VAV2: variants seen among roughly 807,000 people sequenced by gnomAD.
VAV2 encodes the protein vav guanine nucleotide exchange factor 2, also known as guanine nucleotide exchange factor VAV2.
Under a neutral mutation model 132.5 loss-of-function variants are expected in VAV2, and 67 were observed. That is an observed-to-expected ratio of 0.51 (90% CI 0.42 to 0.62). The LOEUF (loss-of-function observed/expected upper bound fraction) is 0.62. Among genes scored for constraint, VAV2 ranks in the 20% least tolerant of loss-of-function variants. The pLI is 0.00. For missense variants in VAV2, 938 were observed against 1,153.6 expected, an observed-to-expected ratio of 0.81 and a Z score of 2.71; for synonymous variants, 492 against 443.5, an observed-to-expected ratio of 1.11 and a Z score of -1.37.
At chr9:133,934,308 G>A (rs970000820) in intron 2 of VAV2, among the ~76,000 whole-genome samples, 1 of 152,198 alleles carries the variant, frequency 6.6e-6, no homozygotes, top group Non-Finnish European at 1.5e-5. Flanking sequence ...TTAAATAATA[G>A]GGGAAACGGC....
rs757231721 is a variant in VAV2, at chr9:133,806,139, C to T, written c.778G>A (p.Val260Met). Reference protein sequence around the residue: ...VHHSFLRAIDVSVMVGGSTLA... With the variant: ...VHHSFLRAIDMSVMVGGSTLA... ...GTGCTGCCCCCCACCATCACGGACACGTCGATGGCCCTCAGGAAGCTGTGA... is the reference window on the plus strand; with the variant it reads ...GTGCTGCCCCCCACCATCACGGACATGTCGATGGCCCTCAGGAAGCTGTGA... The change falls in exon 9 of 30, where the codon GTG (valine) becomes ATG (methionine). Residue 260 changes from valine to methionine, a missense_variant. Physicochemically the swap from Val to Met is conservative, Grantham distance 21. Coordinates refer to ENST00000371850, the MANE Select transcript of VAV2 (RefSeq NM_001134398.2). 6 of 1,612,994 alleles carry T rather than the reference C, an allele frequency of 3.7e-6. No homozygotes were observed. Among genetic ancestry groups the T allele is most frequent in the Non-Finnish European group, 5.1e-6 (6 of 1,179,972 alleles).
chr9:133,800,903 C>T lies in VAV2; in HGVS notation c.837-3094G>A, dbSNP rs548983698. ...CTCTTCCCTATCATTGCCCCTTCTT[C>T]ACTTCAACCCCTGCACCAGCAGGGC... On this transcript the variant is annotated intron_variant, in intron 9 of 29. Transcript: ENST00000371850. Among the ~76,000 whole-genome samples the T allele has an allele frequency of 1.4e-4, 22 of 152,370 alleles. 1 individual carries two copies. Among genetic ancestry groups the T allele is most frequent in the African/African-American group, 5.3e-4 (22 of 41,588 alleles).
intron 2 of VAV2, among the ~76,000 whole-genome samples, chr9:133,936,737 C>A (rs892375936): frequency 1.4e-4 from 22 of 152,294 alleles, no homozygotes; most frequent in Admixed American, 4.6e-4. Flanking sequence ...GTGACATCAC[C>A]TCCATTCCCA....
At chr9:133,960,759 G>T (rs1466160509) in intron 1 of VAV2, among the ~76,000 whole-genome samples, 1 of 152,224 alleles carries the variant, frequency 6.6e-6, no homozygotes, top group Admixed American at 6.5e-5. Context: ...ACCCTTTGTG[G>T]AACGCAGGAG....
rs75237896 is a variant in VAV2 at position 133,856,019 on chromosome 9, G to A, written c.380+5355C>T. Among the ~76,000 whole-genome samples, 1,256 of 152,332 alleles carry A rather than the reference G, an allele frequency of 8.2e-3. 15 individuals are homozygous for A. The highest frequency in any genetic ancestry group is 0.029 in the African/African-American group (1,187 of 41,566). On this transcript the variant is annotated intron_variant, in intron 3 of 29. Transcript: ENST00000371850. ...GACCGGCTACGGCTGGGTGAACCTTGAAAACAAGATGCGGGGTGGGAGAAG... is the reference window on the plus strand; with the variant it reads ...GACCGGCTACGGCTGGGTGAACCTTAAAAACAAGATGCGGGGTGGGAGAAG...
chr9:133,792,467 GT>G (rs1834526781), intron 12 of VAV2, among the ~76,000 whole-genome samples: 1 of 40,576 alleles, frequency 2.5e-5, no homozygotes, highest in Non-Finnish European at 5.0e-5. Context: ...GTGTGTGATT[GT>G]GTGTGTGATT....
At chr9:133,829,564 C>A (rs1485552937) in intron 4 of VAV2, among the ~76,000 whole-genome samples, 3 of 152,240 alleles carry the variant, frequency 2.0e-5, no homozygotes, top group Non-Finnish European at 4.4e-5. Context: ...GTAGGCTGCC[C>A]AAGGATGATC....
At chr9:133,831,611 C>T (rs979259010) in intron 4 of VAV2, among the ~76,000 whole-genome samples, 5 of 152,280 alleles carry the variant, frequency 3.3e-5, no homozygotes, top group East Asian at 1.9e-4. Context: ...GAGGCTCCTA[C>T]GGAGTGGGCA....
At chr9:133,990,906 C>G (rs1020305425) in intron 1 of VAV2, among the ~76,000 whole-genome samples, 2 of 152,112 alleles carry the variant, frequency 1.3e-5, no homozygotes, top group African/African-American at 4.8e-5. Flanking sequence ...GAAGGCGGCC[C>G]CTTCCCCTCT....
Position 133,964,048 on chromosome 9 carries a change from T to TATAC in VAV2, c.205-24830_205-24829insGTAT, listed in dbSNP as rs1483475230. 1.2e-4 allele frequency among the ~76,000 whole-genome samples: 10 copies of TATAC among 80,484 alleles called. 1 individual carries two copies. The highest frequency in any genetic ancestry group is 1.2e-3 in the East Asian group (2 of 1,608). The allele number at this position is 80,484 out of a possible 152,430, so 52.8% of individuals were successfully genotyped here. On this transcript the variant is annotated intron_variant, in intron 1 of 29. Coordinates refer to ENST00000371850, the MANE Select transcript of VAV2 (RefSeq NM_001134398.2). ...ATATATATATATATATATATATATA[T>TATAC]ACATATATATACATATATATAAATG... is the stretch of plus-strand genomic sequence containing the variant.
intron 1 of VAV2, among the ~76,000 whole-genome samples, chr9:133,952,202 G>A (rs1386354624): frequency 6.6e-6 from 1 of 152,166 alleles, no homozygotes; most frequent in Non-Finnish European, 1.5e-5. Context: ...AACAGCAAGT[G>A]TAATGGGTTG....
At position 133,861,400 on chromosome 9, in the gene VAV2, G is replaced by A. The variant is rs1404910098; in HGVS notation, c.354C>T (p.His118=). Residue 118 remains histidine (H), a synonymous_variant, in exon 3 of 30, where the codon CAC becomes CAT. Transcript: ENST00000371850. ...TGATCCCTTTGTTCTGCGCGATGCT[G>A]TGCAGGGAGAGCCTCGACACCGCGG... ...VISAVSRLSL[H]SIAQNKGIRP... 2.5e-6 allele frequency: 4 copies of A among 1,613,580 alleles called. No homozygotes were observed. The highest frequency in any genetic ancestry group is 3.4e-6 in the Non-Finnish European group (4 of 1,179,830).
chr9:133,855,732 G>A (rs1033471642), intron 3 of VAV2, among the ~76,000 whole-genome samples: 6 of 152,178 alleles, frequency 3.9e-5, no homozygotes, highest in Non-Finnish European at 8.8e-5. Flanking sequence ...ATGCTTTGTC[G>A]TGCTTAGATT....
intron 2 of VAV2, among the ~76,000 whole-genome samples, chr9:133,934,452 G>C (rs1263045876): frequency 6.6e-6 from 1 of 152,220 alleles, no homozygotes; most frequent in Non-Finnish European, 1.5e-5. Flanking sequence ...GTTTCCAGAG[G>C]AGACTGGCCT....
chr9:133,932,619 G>A (rs989752225), intron 2 of VAV2, among the ~76,000 whole-genome samples: 3 of 152,190 alleles, frequency 2.0e-5, no homozygotes, highest in African/African-American at 7.2e-5. Context: ...ACCTCCAAGG[G>A]GACAGTCTCA....
chr9:133,842,462 T>C (rs895581012), intron 3 of VAV2, among the ~76,000 whole-genome samples: 1 of 152,186 alleles, frequency 6.6e-6, no homozygotes, highest in African/African-American at 2.4e-5. Context: ...TGAGGCCAGG[T>C]GCGGCCAGCC....
intron 1 of VAV2, among the ~76,000 whole-genome samples, chr9:133,979,212 G>A (rs1842613086): frequency 3.9e-5 from 6 of 152,346 alleles, no homozygotes; most frequent in East Asian, 1.9e-4. Flanking sequence ...GCCAGGCACC[G>A]GGCTGACAGC....
intron 25 of VAV2, 31 bp downstream of exon 25, chr9:133,774,904 G>A: frequency 6.3e-7 from 1 of 1,584,174 alleles, no homozygotes; most frequent in Non-Finnish European, 8.6e-7. Flanking sequence ...ATTGGGGGAT[G>A]GGTCTCCTCG....
rs537057645 is a variant in VAV2, at chr9:133,991,593, G to A, written c.204+482C>T. On this transcript the variant is annotated intron_variant, in intron 1 of 29. Transcript: ENST00000371850. The surrounding 1 kb of genome is among the most constrained non-coding windows in gnomAD (Gnocchi z 4.8). ...GCTCCCTCCGGCCCCGAGGGCTCCC[G>A]CCCCGCGCCCCTCCCGGGCCCTCCA... is the stretch of plus-strand genomic sequence containing the variant. Among the ~76,000 whole-genome samples the A allele has an allele frequency of 1.3e-4, 20 of 151,640 alleles. No homozygotes were observed. Among genetic ancestry groups the A allele is most frequent in the African/African-American group, 4.8e-4 (20 of 41,470 alleles).
Sources: gnomAD v4.1 joint callset for allele counts (sites outside exome capture counted in the v4.1 genomes callset) on GRCh38, gnomAD v4.1.1 for gene constraint, Gnocchi (gnomAD v3.1) non-coding constraint, MANE v1.5 for transcripts, NCBI Gene and HGNC (gene_info 2026-07-23, HGNC 2026-07-21) for gene names.